The following CSMD1 variants were observed in gnomAD, a reference collection of about 807,000 sequenced individuals.
The protein encoded by CSMD1 is CUB and Sushi multiple domains 1.
CSMD1 carries 213 observed loss-of-function variants against 417.5 expected under a neutral mutation model. The ratio of observed to expected loss-of-function variants is 0.51; its 90% CI spans 0.46 to 0.57. The LOEUF is 0.57. Ranked by LOEUF, CSMD1 falls within the 20% of genes least tolerant of loss-of-function variation. The pLI is 0.00. For missense variants in CSMD1, 6,923 were observed against 4,529.7 expected, an observed-to-expected ratio of 1.53 and a Z score of -15.17; for synonymous variants, 2,862 against 1,736.8, an observed-to-expected ratio of 1.65 and a Z score of -16.11.
chr8:4,348,444 C>T (rs138281214), intron 3 of CSMD1, among the ~76,000 whole-genome samples: 46 of 152,066 alleles, frequency 3.0e-4, no homozygotes, highest in African/African-American at 1.1e-3. Flanking sequence ...GAATATTAGG[C>T]CTTTCTGATC....
chr8:3,639,419 T>G (rs886879359), intron 7 of CSMD1, among the ~76,000 whole-genome samples: 5 of 152,162 alleles, frequency 3.3e-5, no homozygotes, highest in African/African-American at 1.2e-4. Context: ...TTTCACCAAC[T>G]TATGCTGAAA....
At chr8:4,525,529 C>G (rs1001199540) in intron 2 of CSMD1, among the ~76,000 whole-genome samples, 2 of 152,204 alleles carry the variant, frequency 1.3e-5, no homozygotes, top group Non-Finnish European at 2.9e-5. Context: ...ACAGTATTTA[C>G]TCTTCCTTGT....
chr8:3,700,027 C>T (rs888626552), intron 7 of CSMD1, among the ~76,000 whole-genome samples: 1 of 152,122 alleles, frequency 6.6e-6, no homozygotes, highest in African/African-American at 2.4e-5. Context: ...CTTATAAATT[C>T]TTAGTAGAGA....
chr8:4,057,839 G>C (rs900337166), intron 3 of CSMD1, among the ~76,000 whole-genome samples: 1 of 152,150 alleles, frequency 6.6e-6, no homozygotes, highest in Non-Finnish European at 1.5e-5. Flanking sequence ...AGATCAGATA[G>C]TTGTAGATAT....
chr8:2,992,202 TACACACATGCAC>T lies in CSMD1; in HGVS notation c.8377+5797_8377+5808del, dbSNP rs955503913. ...ATGAACACACACATGCACACATACA[TACACACATGCAC>T]ACACACATGCACACATGCCACACTC... is the stretch of plus-strand genomic sequence containing the variant. On this transcript the variant is annotated intron_variant, in intron 54 of 69. Transcript: ENST00000635120. 8.8e-4 allele frequency among the ~76,000 whole-genome samples: 79 copies of T among 89,652 alleles called. 1 individual carries two copies. In the African/African-American group the frequency reaches 9.0e-3, roughly 10 times the overall value. The allele number at this position is 89,652 out of a possible 152,430, so 58.8% of individuals were successfully genotyped here.
chr8:3,496,430 A>C (rs1284644901), intron 10 of CSMD1, among the ~76,000 whole-genome samples: 2 of 151,222 alleles, frequency 1.3e-5, no homozygotes, highest in East Asian at 1.9e-4. Context: ...CTGAACATCA[A>C]CTCCTCCAGG....
chr8:3,297,656 C>G (rs1254538415), intron 25 of CSMD1, among the ~76,000 whole-genome samples: 2 of 151,972 alleles, frequency 1.3e-5, no homozygotes, highest in Non-Finnish European at 2.9e-5. Context: ...AAATTTATCC[C>G]CAGTGGAATA....
chr8:3,002,784 C>T (rs957501971), intron 52 of CSMD1, among the ~76,000 whole-genome samples: 1 of 152,204 alleles, frequency 6.6e-6, no homozygotes, highest in Non-Finnish European at 1.5e-5. Flanking sequence ...AGAAATCAGG[C>T]AGCAAGCCTG....
intron 5 of CSMD1, among the ~76,000 whole-genome samples, chr8:3,893,424 C>A (rs1159838522): frequency 7.0e-6 from 1 of 143,588 alleles, no homozygotes; most frequent in Non-Finnish European, 1.5e-5. Flanking sequence ...AAATCTGGAT[C>A]AACTCCTGAA....
chr8:3,912,907 A>C (rs1014160381), intron 5 of CSMD1, among the ~76,000 whole-genome samples: 2 of 152,224 alleles, frequency 1.3e-5, no homozygotes, highest in Admixed American at 1.3e-4. Flanking sequence ...ATTAATCAGC[A>C]GCTATGGTGG....
chr8:4,674,495 G>C (rs113627151), intron 1 of CSMD1, among the ~76,000 whole-genome samples: 5 of 152,090 alleles, frequency 3.3e-5, no homozygotes, highest in Non-Finnish European at 2.9e-5. Context: ...AAGGGAATGA[G>C]GGAACAGTAC....
At chr8:4,657,541 C>A (rs79600374) in intron 1 of CSMD1, among the ~76,000 whole-genome samples, 8,459 of 152,022 alleles carry the variant, frequency 0.056, 317 homozygotes, top group South Asian at 0.16. Context: ...AGAATATAAA[C>A]CTTATAAAAA....
At chr8:3,622,901 A>T (rs915667279) in intron 7 of CSMD1, among the ~76,000 whole-genome samples, 58 of 152,222 alleles carry the variant, frequency 3.8e-4, no homozygotes, top group Non-Finnish European at 5.4e-4. Flanking sequence ...CCTCAGAGAA[A>T]CATTTTCAAA....
intron 7 of CSMD1, among the ~76,000 whole-genome samples, chr8:3,678,555 G>A (rs1189501682): frequency 8.5e-5 from 13 of 152,152 alleles, no homozygotes. Context: ...CCAAATCTAT[G>A]TCTGATTGGT....
chr8:2,957,569 G>A, intron 63 of CSMD1, 127 bp downstream of exon 63: 1 of 660,158 alleles, frequency 1.5e-6, no homozygotes, highest in East Asian at 2.9e-5. Flanking sequence ...AAACTTTGAG[G>A]ACATCCGAAA....
intron 12 of CSMD1, among the ~76,000 whole-genome samples, chr8:3,422,758 G>T (rs554448588): frequency 6.6e-6 from 1 of 152,320 alleles, no homozygotes; most frequent in Admixed American, 6.5e-5. Context: ...GGTAATGTAT[G>T]AAGAGCAGAA....
At chr8:3,213,228 A>G (rs897025642) in intron 30 of CSMD1, among the ~76,000 whole-genome samples, 39 of 152,358 alleles carry the variant, frequency 2.6e-4, no homozygotes, top group African/African-American at 8.7e-4. Context: ...TTATCAAACG[A>G]AACTGGTCTT....
chr8:4,434,711 C>A (rs1426631070), intron 2 of CSMD1, among the ~76,000 whole-genome samples: 3 of 152,142 alleles, frequency 2.0e-5, no homozygotes, highest in Non-Finnish European at 4.4e-5. Context: ...TGTTTTCATG[C>A]CCCTGACAGT....
intron 16 of CSMD1, among the ~76,000 whole-genome samples, chr8:3,397,479 G>T (rs1811772862): frequency 6.6e-6 from 1 of 152,170 alleles, no homozygotes; most frequent in Non-Finnish European, 1.5e-5. Context: ...GTGGTACCCT[G>T]GGCCCCATTC....
Sources: allele counts gnomAD v4.1 joint callset (sites outside exome capture counted in the v4.1 genomes callset), GRCh38; gene constraint gnomAD v4.1.1; transcripts MANE v1.5; gene names NCBI Gene and HGNC (gene_info 2026-07-23, HGNC 2026-07-21).